Variants in AP3S1 observed in about 807,000 individuals in gnomAD.
The protein encoded by AP3S1 is AP-3 complex subunit sigma-1.
Under a neutral mutation model 21.3 loss-of-function variants are expected in AP3S1, and 12 were observed. The ratio of observed to expected loss-of-function variants is 0.56; its 90% CI spans 0.36 to 0.91. The LOEUF (loss-of-function observed/expected upper bound fraction) is 0.91, where lower values mean the gene tolerates loss of function less well. AP3S1 is among the 40% of genes least tolerant of loss of function. The pLI is 0.01. For missense variants in AP3S1, 116 were observed against 225.0 expected (o/e 0.52, Z 3.10); for synonymous variants, 48 against 78.4 (o/e 0.61, Z 2.05).
At position 115,842,058 on chromosome 5, in the gene AP3S1, C is replaced by T. The variant is rs1436157347; in HGVS notation, c.21C>T (p.Ile7=). The T allele has an allele frequency of 1.3e-6, 2 of 1,591,192 alleles. No homozygotes were observed. The highest frequency in any genetic ancestry group is 2.3e-5 in the East Asian group (1 of 42,750). Residue 7 remains isoleucine, a synonymous_variant, in exon 1 of 6, where the codon ATC becomes ATT. Transcript: ENST00000316788. ...CAGCCATGATCAAGGCGATCCTAAT[C>T]TTCAACAACCACGGGAAGCCGCGGC... MIKAIL[I]FNNHGKPRLS...
chr5:115,893,366 T>C (rs773579501), intron 3 of AP3S1, among the ~76,000 whole-genome samples: 46 of 152,174 alleles, frequency 3.0e-4, no homozygotes, highest in Non-Finnish European at 5.4e-4. Flanking sequence ...AAAGGAAATT[T>C]TTAGGAAATT....
intron 1 of AP3S1, among the ~76,000 whole-genome samples, chr5:115,863,340 T>A (rs1328690497): frequency 6.6e-6 from 1 of 150,382 alleles, no homozygotes; most frequent in Non-Finnish European, 1.5e-5. Flanking sequence ...GAGGTTGCAG[T>A]GAGCGAGATC....
At chr5:115,847,434 G>T (rs1483348616) in intron 1 of AP3S1, among the ~76,000 whole-genome samples, 1 of 152,158 alleles carries the variant, frequency 6.6e-6, no homozygotes, top group African/African-American at 2.4e-5. Flanking sequence ...CCTGGGCAAC[G>T]TGGCAAAACC....
chr5:115,876,807 T>G (rs1748759022), intron 3 of AP3S1, among the ~76,000 whole-genome samples: 1 of 152,180 alleles, frequency 6.6e-6, no homozygotes, highest in South Asian at 2.1e-4. Context: ...CTTAATGATT[T>G]AGATTGTGCA....
At chr5:115,897,260 T>C (rs890140091) in intron 4 of AP3S1, among the ~76,000 whole-genome samples, 1 of 152,184 alleles carries the variant, frequency 6.6e-6, no homozygotes, top group African/African-American at 2.4e-5. Flanking sequence ...TGTTAGCCTG[T>C]TCATTTTACA....
At chr5:115,888,150 A>C (rs1345109560) in intron 3 of AP3S1, among the ~76,000 whole-genome samples, 1 of 152,048 alleles carries the variant, frequency 6.6e-6, no homozygotes, top group Non-Finnish European at 1.5e-5. Context: ...ACTCAGTAGT[A>C]GTTAGATACC....
intron 1 of AP3S1, among the ~76,000 whole-genome samples, chr5:115,859,950 A>G (rs1412711606): frequency 6.6e-6 from 1 of 152,168 alleles, no homozygotes; most frequent in Admixed American, 6.5e-5. Flanking sequence ...CCACAGACTT[A>G]GTGGCTTAAA....
intron 1 of AP3S1, chr5:115,842,576 G>A (rs1286532625): frequency 3.2e-5 from 5 of 158,092 alleles, no homozygotes; most frequent in African/African-American, 1.2e-4. Context: ...ATCCTTTCCA[G>A]GTGGACTTCT....
intron 4 of AP3S1, among the ~76,000 whole-genome samples, chr5:115,901,778 C>A (rs1751237052): frequency 6.6e-6 from 1 of 152,060 alleles, no homozygotes. Context: ...ATCTGTCCAC[C>A]TTGTCCTCCC....
At chr5:115,880,276 TTTAA>T (rs1265174775) in intron 3 of AP3S1, among the ~76,000 whole-genome samples, 1 of 152,190 alleles carries the variant, frequency 6.6e-6, no homozygotes, top group Non-Finnish European at 1.5e-5. Flanking sequence ...CTCTAGTTCT[TTTAA>T]TTGTGATGTT....
chr5:115,871,620 T>C (rs963223528), intron 3 of AP3S1, among the ~76,000 whole-genome samples: 2 of 152,104 alleles, frequency 1.3e-5, no homozygotes, highest in African/African-American at 2.4e-5. Flanking sequence ...ATAATCATGG[T>C]AGTGATATAG....
intron 1 of AP3S1, among the ~76,000 whole-genome samples, chr5:115,859,928 T>C (rs1199609467): frequency 2.0e-5 from 3 of 152,178 alleles, no homozygotes; most frequent in African/African-American, 7.2e-5. Context: ...TTTATGTTAC[T>C]GTAACAAATT....
At chr5:115,860,166 G>A (rs377523747) in intron 1 of AP3S1, among the ~76,000 whole-genome samples, 203 of 152,306 alleles carry the variant, frequency 1.3e-3, no homozygotes, top group African/African-American at 4.5e-3. Flanking sequence ...CAGCGGCATA[G>A]CAGTATATCT....
At chr5:115,911,722 C>G (rs554084442) in intron 5 of AP3S1, among the ~76,000 whole-genome samples, 15 of 151,858 alleles carry the variant, frequency 9.9e-5, no homozygotes, top group African/African-American at 3.4e-4. Context: ...ATTAAAGACC[C>G]TTTCAAATAT....
At chr5:115,863,522 A>C (rs542221518) in intron 1 of AP3S1, among the ~76,000 whole-genome samples, 3 of 151,872 alleles carry the variant, frequency 2.0e-5, no homozygotes, top group Non-Finnish European at 4.4e-5. Context: ...AGTGAGTCAA[A>C]ATTGCACCAC....
chr5:115,865,174 C>T (rs1182111788), intron 1 of AP3S1, among the ~76,000 whole-genome samples: 1 of 152,050 alleles, frequency 6.6e-6, no homozygotes, highest in African/African-American at 2.4e-5. Flanking sequence ...TCGTCCTCTG[C>T]TTCTTCAGCC....
At position 115,871,786 on chromosome 5, in the gene AP3S1, G is replaced by A. The variant is rs145944069; in HGVS notation, c.273+1658G>A. 2.2e-3 allele frequency among the ~76,000 whole-genome samples: 338 copies of A among 151,966 alleles called. 2 individuals are homozygous for A. The highest frequency in any genetic ancestry group is 7.2e-3 in the African/African-American group (298 of 41,448). Reference sequence around the variant, plus strand: ...CGCAAGAATCATTTTCTGTTTCCCCGGTCCATTTACTCTCCCATACCTCTA... The same window carrying A: ...CGCAAGAATCATTTTCTGTTTCCCCAGTCCATTTACTCTCCCATACCTCTA... On this transcript the variant is annotated intron_variant, in intron 3 of 5. Coordinates refer to ENST00000316788, the MANE Select transcript of AP3S1 (RefSeq NM_001284.4).
chr5:115,892,918 A>C (rs745723807), intron 3 of AP3S1, among the ~76,000 whole-genome samples: 19 of 152,236 alleles, frequency 1.2e-4, no homozygotes, highest in Non-Finnish European at 2.6e-4. Context: ...AAAACATCTC[A>C]TGTACCCCAC....
At chr5:115,891,675 T>A (rs1282864598) in intron 3 of AP3S1, among the ~76,000 whole-genome samples, 4 of 152,156 alleles carry the variant, frequency 2.6e-5, no homozygotes, top group Admixed American at 6.5e-5. Context: ...GAGTCCGTAC[T>A]GGGGCACTGC....
Sources: allele counts gnomAD v4.1 joint callset (sites outside exome capture counted in the v4.1 genomes callset), GRCh38; gene constraint gnomAD v4.1.1; transcripts MANE v1.5; gene names NCBI Gene and HGNC (gene_info 2026-07-23, HGNC 2026-07-21).